The following PDE4C variants were observed in gnomAD, a reference collection of about 807,000 sequenced individuals.
The protein encoded by PDE4C is 3',5'-cyclic-AMP phosphodiesterase 4C.
PDE4C carries 50 observed loss-of-function variants against 63.9 expected under a neutral mutation model. The observed-to-expected ratio is 0.78, with a 90% CI of 0.62 to 0.99. The LOEUF is 0.99. Among genes scored for constraint, PDE4C ranks in the 50% least tolerant of loss-of-function variants. The probability of loss-of-function intolerance (pLI) is 0.00; values close to 1 mark genes in which losing one functional copy is unlikely to be tolerated. For synonymous variants in PDE4C, 377 were observed against 385.1 expected (o/e 0.98, Z 0.25); for missense variants, 777 against 899.1 (o/e 0.86, Z 1.74).
Position 18,218,103 on chromosome 19 carries a change from G to T in PDE4C, c.1234+46C>A, listed in dbSNP as rs756181919. The T allele has an allele frequency of 5.7e-6, 8 of 1,404,336 alleles. No individual in the cohort carries two copies. The Admixed American group carries it at 1.2e-4, about 21-fold the overall frequency. 87.0% of individuals were successfully genotyped at this position (1,404,336 alleles called of 1,614,324 possible). ...AGATCACCTGGTGGACAGGGTGGAGGCAGGGTCCACCTCTTCTCCTGCACC... is the reference window on the plus strand; with the variant it reads ...AGATCACCTGGTGGACAGGGTGGAGTCAGGGTCCACCTCTTCTCCTGCACC... On this transcript the variant is annotated intron_variant, in intron 11 of 14. Coordinates refer to ENST00000262805, the Ensembl canonical transcript of PDE4C.
chr19:18,229,102 ATTTTTTTT>A (rs56379821), upstream of PDE4C, among the ~76,000 whole-genome samples: 28 of 124,548 alleles, frequency 2.2e-4, no homozygotes, highest in African/African-American at 8.1e-4. Context: ...TGCCAAGCTA[ATTTTTTTT>A]TTTTTTTTTT....
intron 11 of PDE4C, 49 bp from the exon 12 acceptor site, chr19:18,216,944 C>T: frequency 6.5e-7 from 1 of 1,544,778 alleles, no homozygotes; most frequent in Non-Finnish European, 8.7e-7. Context: ...GCCCCACCCA[C>T]TCTACCCAAA....
intron 1 of PDE4C, among the ~76,000 whole-genome samples, chr19:18,223,209 ATTTTT>A (rs35666140): frequency 1.5e-5 from 2 of 129,132 alleles, no homozygotes; most frequent in East Asian, 2.2e-4. Context: ...CGCCCGGCTA[ATTTTT>A]TTTTTTTTTT....
At chr19:18,230,605 C>T (rs983709639), upstream of PDE4C, among the ~76,000 whole-genome samples, 11 of 152,208 alleles carry the variant, frequency 7.2e-5, no homozygotes, top group Non-Finnish European at 1.3e-4. Context: ...ATGCCTGATC[C>T]TCTTGAGTCT....
At chr19:18,222,408 CTGGG>C in intron 1 of PDE4C, 85 bp from the exon 2 acceptor site, 2 of 1,264,098 alleles carry the variant, frequency 1.6e-6, no homozygotes, top group South Asian at 2.8e-5. Flanking sequence ...TGCGTCCTCC[CTGGG>C]GCTGCTTGGC....
upstream of PDE4C, among the ~76,000 whole-genome samples, chr19:18,229,445 T>C (rs148306625): frequency 8.1e-3 from 1,239 of 152,294 alleles, 43 homozygotes; most frequent in Admixed American, 0.057. Flanking sequence ...TTCACCATGT[T>C]GGCCAGGCTG....
At position 18,220,343 on chromosome 19, in the gene PDE4C, C is replaced by G; in HGVS notation, c.613-24G>C. The G allele has an allele frequency of 2.5e-6, 4 of 1,613,602 alleles. No homozygotes were observed. Among genetic ancestry groups the G allele is most frequent in the Non-Finnish European group, 3.4e-6 (4 of 1,179,538 alleles). Reference sequence around the variant, plus strand: ...AACTGGGGCGGAGAGAAGGTGAAGACCGTGATGATGGGGCACCGTGGGCCG... The same window carrying G: ...AACTGGGGCGGAGAGAAGGTGAAGAGCGTGATGATGGGGCACCGTGGGCCG... On this transcript the variant is annotated intron_variant, in intron 6 of 14. Coordinates refer to ENST00000262805, the Ensembl canonical transcript of PDE4C. This position sits in a 1 kb window ranked among gnomAD's most constrained non-coding sequence, Gnocchi z 5.1.
At chr19:18,250,845 C>A (rs115589842), upstream of PDE4C, among the ~76,000 whole-genome samples, 3,311 of 150,878 alleles carry the variant, frequency 0.022, 129 homozygotes, top group African/African-American at 0.077. Flanking sequence ...GTTATCTCAG[C>A]TTACTGTGAC....
intron 1 of PDE4C, among the ~76,000 whole-genome samples, chr19:18,240,809 G>A (rs552903914): frequency 1.3e-5 from 2 of 152,310 alleles, no homozygotes; most frequent in South Asian, 4.1e-4. Flanking sequence ...GGAGGAAGAG[G>A]GTGCGGAGAA....
intron 12 of PDE4C, among the ~76,000 whole-genome samples, chr19:18,216,286 T>G (rs1467634697): frequency 2.8e-5 from 4 of 142,178 alleles, no homozygotes; most frequent in Admixed American, 7.2e-5. Flanking sequence ...TGAGATGGAG[T>G]CTCACTCTGT....
At chr19:18,214,166 G>A (rs1416382584) in intron 12 of PDE4C, among the ~76,000 whole-genome samples, 1 of 151,726 alleles carries the variant, frequency 6.6e-6, no homozygotes, top group Non-Finnish European at 1.5e-5. Flanking sequence ...GCTGAGGCAG[G>A]AGAATGGCAT....
upstream of PDE4C, among the ~76,000 whole-genome samples, chr19:18,251,699 G>GCCCCCGC (rs1969231975): frequency 1.9e-5 from 1 of 53,040 alleles, no homozygotes; most frequent in African/African-American, 7.4e-5. Flanking sequence ...CCCCGCCCCC[G>GCCCCCGC]CCCTCGGCCT....
intron 11 of PDE4C, among the ~76,000 whole-genome samples, chr19:18,217,861 C>T (rs1968269260): frequency 6.6e-6 from 1 of 152,108 alleles, no homozygotes; most frequent in Admixed American, 6.6e-5. Context: ...CGCGCCACTG[C>T]ACTCCAGCCT....
intron 12 of PDE4C, among the ~76,000 whole-genome samples, chr19:18,216,293 C>T (rs1968193526): frequency 6.7e-6 from 1 of 149,812 alleles, no homozygotes; most frequent in Non-Finnish European, 1.5e-5. Flanking sequence ...GAGTCTCACT[C>T]TGTTGCTGAG....
chr19:18,245,437 T>C (rs1297616024), intron 1 of PDE4C, among the ~76,000 whole-genome samples: 1 of 152,176 alleles, frequency 6.6e-6, no homozygotes, highest in Non-Finnish European at 1.5e-5. Context: ...AGTGCTGGGA[T>C]TACATGTGTG....
chr19:18,248,854 C>G (rs1969184928), upstream of PDE4C, among the ~76,000 whole-genome samples: 1 of 99,450 alleles, frequency 1.0e-5, no homozygotes, highest in South Asian at 3.9e-4. Flanking sequence ...GAAGCCCCAT[C>G]TCTACTAAAA....
At chr19:18,218,556 T>C in intron 9 of PDE4C, 58 bp from the exon 10 acceptor site, 1 of 1,585,604 alleles carries the variant, frequency 6.3e-7, no homozygotes, top group Non-Finnish European at 8.6e-7. Flanking sequence ...GCACACGCTG[T>C]TCCTACCCCT....
chr19:18,224,033 C>G (rs1373192803), intron 1 of PDE4C, among the ~76,000 whole-genome samples: 4 of 152,232 alleles, frequency 2.6e-5, no homozygotes, highest in African/African-American at 9.6e-5. Flanking sequence ...TCATCTTCAG[C>G]CTGAACGTTC....
chr19:18,251,676 A>ACCCCCCCCC (rs1969230557), upstream of PDE4C, among the ~76,000 whole-genome samples: 159 of 23,576 alleles, frequency 6.7e-3, 3 homozygotes, highest in African/African-American at 0.018. Flanking sequence ...CTCGTGATAC[A>ACCCCCCCCC]CGCCCCCCCC....
Sources: gnomAD v4.1 joint callset for allele counts (sites outside exome capture counted in the v4.1 genomes callset) on GRCh38, gnomAD v4.1.1 for gene constraint, Gnocchi (gnomAD v3.1) non-coding constraint, MANE v1.5 for transcripts, NCBI Gene and HGNC (gene_info 2026-07-23, HGNC 2026-07-21) for gene names.